Variants in LHPP observed in about 807,000 individuals in gnomAD.
LHPP encodes hLHPP.
In LHPP, 24 loss-of-function variants were observed where a neutral mutation model predicts 30.3. That is an observed-to-expected ratio of 0.79 (90% CI 0.57 to 1.11). The LOEUF (loss-of-function observed/expected upper bound fraction) is 1.11, where lower values mean the gene tolerates loss of function less well. LHPP is among the 50% of genes most tolerant of loss of function. The probability of loss-of-function intolerance (pLI) is 0.00; values close to 1 mark genes in which losing one functional copy is unlikely to be tolerated. For missense variants in LHPP, 356 were observed against 367.2 expected (o/e 0.97, Z 0.25); for synonymous variants, 150 against 157.1 (o/e 0.95, Z 0.34).
intron 6 of LHPP, among the ~76,000 whole-genome samples, chr10:124,574,929 C>G (rs1391890702): frequency 6.6e-6 from 1 of 152,274 alleles, no homozygotes; most frequent in East Asian, 1.9e-4. Flanking sequence ...TTAAACCCAG[C>G]CAGATGATGC....
At chr10:124,599,742 G>A (rs905719875) in intron 6 of LHPP, among the ~76,000 whole-genome samples, 2 of 152,224 alleles carry the variant, frequency 1.3e-5, no homozygotes, top group Non-Finnish European at 2.9e-5. Context: ...ACTGCTTGGG[G>A]CCTGACTTGG....
intron 5 of LHPP, among the ~76,000 whole-genome samples, chr10:124,502,082 C>G (rs769093696): frequency 1.3e-5 from 2 of 151,946 alleles, no homozygotes; most frequent in Admixed American, 6.6e-5. Flanking sequence ...TTGACACTCA[C>G]AAAAAGTTGC....
intron 6 of LHPP, among the ~76,000 whole-genome samples, chr10:124,563,926 G>C (rs1221935103): frequency 6.6e-6 from 1 of 151,968 alleles, no homozygotes; most frequent in Non-Finnish European, 1.5e-5. Context: ...GAGTTGGAAT[G>C]GTTCATCATT....
chr10:124,526,353 G>A (rs954667640), intron 6 of LHPP: 10 of 425,168 alleles, frequency 2.4e-5, no homozygotes, highest in South Asian at 9.7e-5. Context: ...GAAGCCACCC[G>A]CCTTCTTACC....
intron 6 of LHPP, among the ~76,000 whole-genome samples, chr10:124,543,956 T>C (rs1184525776): frequency 6.6e-6 from 1 of 152,336 alleles, no homozygotes; most frequent in East Asian, 1.9e-4. Flanking sequence ...ATTTATAAAC[T>C]GTGGTTGTAG....
chr10:124,567,705 C>T (rs1174279957), intron 6 of LHPP, among the ~76,000 whole-genome samples: 1 of 152,228 alleles, frequency 6.6e-6, no homozygotes, highest in Middle Eastern at 3.2e-3. Flanking sequence ...AGCTGTTACT[C>T]TCCTCGGTTA....
chr10:124,556,305 C>T (rs1006360437), intron 6 of LHPP, among the ~76,000 whole-genome samples: 102 of 152,304 alleles, frequency 6.7e-4, no homozygotes, highest in African/African-American at 2.4e-3. Context: ...TGGGACATCT[C>T]TTCCCAGTGC....
At chr10:124,557,776 G>C (rs996021249) in intron 6 of LHPP, among the ~76,000 whole-genome samples, 8 of 152,120 alleles carry the variant, frequency 5.3e-5, no homozygotes, top group African/African-American at 1.4e-4. Context: ...GAGCACACTG[G>C]GGGAGGGATG....
At chr10:124,571,621 A>G (rs984118338) in intron 6 of LHPP, among the ~76,000 whole-genome samples, 8 of 152,100 alleles carry the variant, frequency 5.3e-5, no homozygotes, top group Admixed American at 1.3e-4. Context: ...AAGTAATGTG[A>G]CTCTGGTAAT....
At chr10:124,550,522 G>A (rs1219630381) in intron 6 of LHPP, among the ~76,000 whole-genome samples, 2 of 152,220 alleles carry the variant, frequency 1.3e-5, no homozygotes, top group Non-Finnish European at 2.9e-5. Context: ...TGGAGGGTTC[G>A]TGCACCGGGT....
At chr10:124,466,773 G>C (rs940701369) in intron 1 of LHPP, among the ~76,000 whole-genome samples, 1 of 151,564 alleles carries the variant, frequency 6.6e-6, no homozygotes, top group Non-Finnish European at 1.5e-5. Context: ...TCATTTTTAA[G>C]ATTTTTAAAC....
chr10:124,472,049 C>T (rs532829619), intron 1 of LHPP, among the ~76,000 whole-genome samples: 5 of 152,128 alleles, frequency 3.3e-5, no homozygotes, highest in African/African-American at 9.6e-5. Context: ...CAGTGGCTCA[C>T]GCCTGTAATC....
intron 6 of LHPP, among the ~76,000 whole-genome samples, chr10:124,610,101 C>T (rs1370114884): frequency 6.6e-6 from 1 of 152,136 alleles, no homozygotes; most frequent in Non-Finnish European, 1.5e-5. Context: ...GTGGTGATGC[C>T]GAGTCCATAT....
Position 124,563,313 on chromosome 10 carries a change from C to CTTTTTTTTT in LHPP, c.716+46049_716+46057dup, listed in dbSNP as rs58678509. ...AGAAACAATCTCTCTCTCTCTTTTT[C>CTTTTTTTTT]TTTTTTTTTTTTTTTGCATAAAATC... On this transcript the variant is annotated intron_variant, in intron 6 of 6. Transcript: ENST00000368842. 7.2e-5 allele frequency among the ~76,000 whole-genome samples: 10 copies of CTTTTTTTTT among 138,988 alleles called. 3 individuals carry two copies. Among genetic ancestry groups the CTTTTTTTTT allele is most frequent in the Admixed American group, 7.3e-5 (1 of 13,732 alleles). The allele number at this position is 138,988 out of a possible 152,430, so 91.2% of individuals were successfully genotyped here.
At chr10:124,518,193 T>C (rs948395036) in intron 6 of LHPP, among the ~76,000 whole-genome samples, 1 of 152,150 alleles carries the variant, frequency 6.6e-6, no homozygotes, top group Non-Finnish European at 1.5e-5. Flanking sequence ...AGGAAGTTGG[T>C]CCCTTCCAGC....
In LHPP at chr10:124,593,326, G is replaced by C. The variant is rs941174971; in HGVS notation, c.717-19938G>C. On this transcript the variant is annotated intron_variant, in intron 6 of 6. Transcript: ENST00000368842. The surrounding 1 kb of genome is among the most constrained non-coding windows in gnomAD (Gnocchi z 4.9). ...AGGCTGCGCTCTCGGGAGGGAAACA[G>C]ACTCTTATCCTCTTAGGTACAGCCT... 6.7e-6 allele frequency among the ~76,000 whole-genome samples: 1 copy of C among 149,874 alleles called. No individual in the cohort carries two copies. Among genetic ancestry groups the C allele is most frequent in the Non-Finnish European group, 1.5e-5 (1 of 67,122 alleles).
chr10:124,497,606 T>TCCGG (rs1953764515), intron 4 of LHPP, among the ~76,000 whole-genome samples: 1 of 152,090 alleles, frequency 6.6e-6, no homozygotes, highest in Non-Finnish European at 1.5e-5. Flanking sequence ...CTGCAGCCCC[T>TCCGG]CCTGCCTGCC....
intron 1 of LHPP, among the ~76,000 whole-genome samples, chr10:124,464,774 C>T (rs911590191): frequency 1.3e-5 from 2 of 152,136 alleles, no homozygotes; most frequent in African/African-American, 4.8e-5. Flanking sequence ...CATGGGAGAC[C>T]CTGCCACTCA....
At chr10:124,518,578 C>T (rs1954524338) in intron 6 of LHPP, among the ~76,000 whole-genome samples, 1 of 152,268 alleles carries the variant, frequency 6.6e-6, no homozygotes, top group African/African-American at 2.4e-5. Flanking sequence ...CAAGTGACAC[C>T]TCCCTGCTTG....
Sources: allele counts gnomAD v4.1 joint callset (sites outside exome capture counted in the v4.1 genomes callset), GRCh38; gene constraint gnomAD v4.1.1; non-coding constraint Gnocchi (gnomAD v3.1); transcripts MANE v1.5; gene names NCBI Gene and HGNC (gene_info 2026-07-23, HGNC 2026-07-21).